Variants in ZNF438 observed in about 807,000 individuals in gnomAD.
ZNF438 encodes the protein zinc finger protein 438.
Under a neutral mutation model 38.0 loss-of-function variants are expected in ZNF438, and 25 were observed. That is an observed-to-expected ratio of 0.66 (90% confidence interval 0.48 to 0.92). ZNF438 has a LOEUF of 0.92. ZNF438 is among the 40% of genes least tolerant of loss of function. The pLI, the probability that ZNF438 is intolerant of heterozygous loss-of-function variation, is 0.00. For missense variants in ZNF438, 1,007 were observed against 999.6 expected, an observed-to-expected ratio of 1.01 and a Z score of -0.10; for synonymous variants, 372 against 364.1, an observed-to-expected ratio of 1.02 and a Z score of -0.25.
intron 1 of ZNF438, among the ~76,000 whole-genome samples, chr10:30,974,344 G>A (rs187809394): frequency 3.9e-5 from 6 of 152,314 alleles, no homozygotes; most frequent in East Asian, 1.9e-4. Context: ...CTGGTGATGC[G>A]TGCCTGTAGT....
intron 1 of ZNF438, among the ~76,000 whole-genome samples, chr10:30,951,207 A>G (rs17580629): frequency 0.2 from 28,816 of 147,704 alleles, 3,801 homozygotes; most frequent in Middle Eastern, 0.32. Flanking sequence ...AAACTTTCAT[A>G]CTAAAAACTC....
At chr10:30,930,399 C>T (rs1186009838) in intron 2 of ZNF438, among the ~76,000 whole-genome samples, 1 of 152,058 alleles carries the variant, frequency 6.6e-6, no homozygotes, top group Non-Finnish European at 1.5e-5. Flanking sequence ...AGTGCGCAGC[C>T]CCGGTTCCCA....
intron 4 of ZNF438, among the ~76,000 whole-genome samples, chr10:30,869,413 G>A (rs1467038973): frequency 7.7e-6 from 1 of 129,198 alleles, no homozygotes; most frequent in Admixed American, 7.8e-5. Flanking sequence ...AAAGAGGAAA[G>A]AAAGAAATAC....
rs143444943 is a variant in ZNF438 at position 30,985,070 on chromosome 10, C to T, written c.-191-43419G>A. ...GCAATGAAGCCAGTTGTCAATTTCG[C>T]AACTTGCTTAAATCTTTAAGACACC... On this transcript the variant is annotated intron_variant, in intron 1 of 5. Coordinates refer to ENST00000413025, the Ensembl canonical transcript of ZNF438. Among the ~76,000 whole-genome samples, 754 of 152,256 alleles carry T rather than the reference C, an allele frequency of 5.0e-3. 5 individuals are homozygous for T. The highest frequency in any genetic ancestry group is 0.034 in the Middle Eastern group (10 of 294).
chr10:31,004,203 T>A (rs773092647), intron 1 of ZNF438, among the ~76,000 whole-genome samples: 15 of 152,006 alleles, frequency 9.9e-5, no homozygotes, highest in Non-Finnish European at 1.9e-4. Flanking sequence ...CCACAAGACA[T>A]CCCCTGACAC....
At chr10:30,883,229 G>T (rs2039505800) in intron 3 of ZNF438, among the ~76,000 whole-genome samples, 1 of 152,106 alleles carries the variant, frequency 6.6e-6, no homozygotes, top group South Asian at 2.1e-4. Flanking sequence ...AACTTTGGGG[G>T]AAGTCTGAGG....
intron 1 of ZNF438, among the ~76,000 whole-genome samples, chr10:31,012,320 T>A (rs550339757): frequency 4.6e-5 from 7 of 152,072 alleles, no homozygotes; most frequent in Middle Eastern, 6.8e-3. Flanking sequence ...AGATGGGGTT[T>A]CACAGTGTTA....
chr10:30,923,619 AT>A (rs2044579497), intron 2 of ZNF438, among the ~76,000 whole-genome samples: 1 of 152,162 alleles, frequency 6.6e-6, no homozygotes, highest in Admixed American at 6.5e-5. Flanking sequence ...GTCATGAATC[AT>A]GCTTCCACAT....
intron 2 of ZNF438, among the ~76,000 whole-genome samples, chr10:30,918,177 T>C (rs1354331736): frequency 6.6e-6 from 1 of 152,216 alleles, no homozygotes; most frequent in Non-Finnish European, 1.5e-5. Flanking sequence ...CACCATGCTA[T>C]CTGGATTACT....
intron 1 of ZNF438, among the ~76,000 whole-genome samples, chr10:30,993,473 G>T (rs1264014443): frequency 6.6e-6 from 1 of 152,186 alleles, no homozygotes; most frequent in Admixed American, 6.5e-5. Flanking sequence ...TATAAATTTT[G>T]GTGGCATCCA....
intron 2 of ZNF438, among the ~76,000 whole-genome samples, chr10:30,916,388 T>C (rs2043638678): frequency 6.6e-6 from 1 of 152,016 alleles, no homozygotes; most frequent in African/African-American, 2.4e-5. Flanking sequence ...GTGCAAGTTA[T>C]AAATAGTAAA....
At chr10:30,985,625 C>T (rs1274727073) in intron 1 of ZNF438, among the ~76,000 whole-genome samples, 1 of 152,184 alleles carries the variant, frequency 6.6e-6, no homozygotes, top group Non-Finnish European at 1.5e-5. Flanking sequence ...CTTGACATTG[C>T]TTTAATTGCT....
chr10:30,922,295 T>C (rs1352841630), intron 2 of ZNF438, among the ~76,000 whole-genome samples: 1 of 152,170 alleles, frequency 6.6e-6, no homozygotes, highest in Non-Finnish European at 1.5e-5. Context: ...CTACTTAATC[T>C]ATATTAGAAT....
intron 4 of ZNF438, among the ~76,000 whole-genome samples, chr10:30,862,828 A>G (rs933105905): frequency 7.9e-5 from 12 of 152,246 alleles, no homozygotes; most frequent in African/African-American, 2.9e-4. Flanking sequence ...AAAGTGGTAA[A>G]GATCACAATG....
intron 4 of ZNF438, among the ~76,000 whole-genome samples, chr10:30,873,798 T>C (rs947035777): frequency 6.6e-6 from 1 of 152,176 alleles, no homozygotes; most frequent in Non-Finnish European, 1.5e-5. Flanking sequence ...GCTTCTACCA[T>C]ATGAACTTTG....
chr10:30,981,822 A>G (rs2994645), intron 1 of ZNF438, among the ~76,000 whole-genome samples: 113,098 of 151,172 alleles, frequency 0.75, 43,230 homozygotes, highest in African/African-American at 0.89. Context: ...AGGTTGCAGC[A>G]AGCCGAGATT....
intron 1 of ZNF438, among the ~76,000 whole-genome samples, chr10:30,986,191 C>T (rs1019873713): frequency 6.6e-6 from 1 of 152,128 alleles, no homozygotes; most frequent in Non-Finnish European, 1.5e-5. Context: ...GAATTTAACC[C>T]TGTTGTTAAG....
At chr10:30,984,543 G>C (rs2052559416) in intron 1 of ZNF438, 117 bp from the exon 2 acceptor site, 1 of 151,860 alleles carries the variant, frequency 6.6e-6, no homozygotes, top group Non-Finnish European at 1.5e-5. Flanking sequence ...TTTTTATTAA[G>C]ATAATAAAAG....
At chr10:30,891,401 T>C (rs2040672403) in intron 3 of ZNF438, among the ~76,000 whole-genome samples, 1 of 147,220 alleles carries the variant, frequency 6.8e-6, no homozygotes, top group South Asian at 2.1e-4. Flanking sequence ...TTTTTAAAAT[T>C]TGAAGCAATG....
Sources: allele counts gnomAD v4.1 joint callset (sites outside exome capture counted in the v4.1 genomes callset), GRCh38; gene constraint gnomAD v4.1.1; transcripts MANE v1.5; gene names NCBI Gene and HGNC (gene_info 2026-07-23, HGNC 2026-07-21).